The following ATCAY variants were observed in gnomAD, a reference collection of about 807,000 sequenced individuals.
The protein encoded by ATCAY is caytaxin.
A neutral mutation model predicts 47.7 loss-of-function variants in ATCAY; 22 were observed. That is an observed-to-expected ratio of 0.46 (90% CI 0.33 to 0.66). The LOEUF (loss-of-function observed/expected upper bound fraction) is 0.66. ATCAY is among the 30% of genes least tolerant of loss of function. ATCAY has a pLI of 0.02. For synonymous variants in ATCAY, 216 were observed against 207.6 expected, an observed-to-expected ratio of 1.04 and a Z score of -0.35; for missense variants, 452 against 515.0, an observed-to-expected ratio of 0.88 and a Z score of 1.18.
At chr19:3,910,996 C>T in intron 8 of ATCAY, 107 bp downstream of exon 8, 1 of 1,242,540 alleles carries the variant, frequency 8.0e-7, no homozygotes, top group Non-Finnish European at 1.2e-6. Flanking sequence ...TGCGTGTGTG[C>T]ATCTGTGTGT....
intron 2 of ATCAY, among the ~76,000 whole-genome samples, chr19:3,896,066 T>C (rs1388964254): frequency 6.6e-6 from 1 of 151,906 alleles, no homozygotes; most frequent in Non-Finnish European, 1.5e-5. Flanking sequence ...GGGCCAGGCT[T>C]GTCTTCAACT....
At chr19:3,886,211 G>A (rs2038652610) in intron 2 of ATCAY, among the ~76,000 whole-genome samples, 1 of 152,204 alleles carries the variant, frequency 6.6e-6, no homozygotes, top group Non-Finnish European at 1.5e-5. Flanking sequence ...CACTTTGGGA[G>A]GCCGAGGTGG....
chr19:3,895,211 C>A, intron 2 of ATCAY: 1 of 453,216 alleles, frequency 2.2e-6, no homozygotes, highest in Non-Finnish European at 4.4e-6. Flanking sequence ...AGAGCTAATG[C>A]TGCAGTTTTT....
chr19:3,896,632 T>G (rs114198821), intron 2 of ATCAY, among the ~76,000 whole-genome samples: 1 of 152,076 alleles, frequency 6.6e-6, no homozygotes, highest in Non-Finnish European at 1.5e-5. Flanking sequence ...GTTCACAGCC[T>G]ACGTAGAGTC....
At chr19:3,901,649 T>C (rs570303238) in intron 2 of ATCAY, among the ~76,000 whole-genome samples, 1 of 152,292 alleles carries the variant, frequency 6.6e-6, no homozygotes, top group Admixed American at 6.5e-5. Flanking sequence ...AATTTGATTA[T>C]CTAAAAGAAG....
chr19:3,895,197 G>A (rs1358625979), intron 2 of ATCAY: 1 of 454,726 alleles, frequency 2.2e-6, no homozygotes, highest in Non-Finnish European at 4.4e-6. Flanking sequence ...GAAACTGTCA[G>A]GTAAGAGCTA....
At chr19:3,885,129 A>AAC (rs1198107488) in intron 1 of ATCAY, among the ~76,000 whole-genome samples, 106 of 149,202 alleles carry the variant, frequency 7.1e-4, no homozygotes, top group Non-Finnish European at 1.3e-3. Flanking sequence ...AAAAAAAAAA[A>AAC]AAAAAACAGC....
rs2038621433 is a variant in ATCAY, at chr19:3,883,518, G to T, written c.-41-2209G>T. ...GAAATGACTATTGCCTTTAAGACAA[G>T]GTTTCTCCACCTTGGATCTATGGAT... On this transcript the variant is annotated intron_variant, in intron 1 of 12. Transcript: ENST00000450849. Among the ~76,000 whole-genome samples the T allele has an allele frequency of 2.0e-5, 3 of 152,160 alleles. No homozygotes were observed. The South Asian group carries it at 6.2e-4, about 31-fold the overall frequency.
At chr19:3,883,005 G>A (rs927885722) in intron 1 of ATCAY, among the ~76,000 whole-genome samples, 4 of 151,264 alleles carry the variant, frequency 2.6e-5, no homozygotes, top group Non-Finnish European at 5.9e-5. Context: ...GGCTGGTCTC[G>A]AACCCCTGGT....
intron 6 of ATCAY, among the ~76,000 whole-genome samples, chr19:3,908,646 T>C (rs1442143353): frequency 1.4e-4 from 11 of 79,504 alleles, no homozygotes; most frequent in Non-Finnish European, 2.4e-5. Flanking sequence ...CTCCCCTTCT[T>C]CCTCCCCCTT....
intron 2 of ATCAY, among the ~76,000 whole-genome samples, chr19:3,896,360 C>G (rs1483021335): frequency 6.6e-6 from 1 of 151,626 alleles, no homozygotes. Flanking sequence ...CTCCACCTCC[C>G]GGGTTCAAGC....
intron 2 of ATCAY, among the ~76,000 whole-genome samples, chr19:3,895,577 C>A (rs147578529): frequency 6.6e-6 from 1 of 152,020 alleles, no homozygotes; most frequent in African/African-American, 2.4e-5. Context: ...AGACTCGTAG[C>A]GCTGGATGGA....
At chr19:3,895,713 T>A (rs1274383222) in intron 2 of ATCAY, among the ~76,000 whole-genome samples, 1 of 148,244 alleles carries the variant, frequency 6.7e-6, no homozygotes, top group Non-Finnish European at 1.5e-5. Context: ...TTTCTTTTCT[T>A]TTCTTTTTTT....
rs1163306580 is a variant in ATCAY, at chr19:3,927,371, C to T, written c.*2779C>T. ...ATGAATCGTTCTAACCCAACAGTGA[C>T]AAGAACTGCTGGGCCTTAACCGTCA... On this transcript the variant is annotated 3_prime_UTR_variant, in exon 13 of 13. Transcript: ENST00000450849. 2 of 152,198 alleles carry T rather than the reference C, an allele frequency of 1.3e-5. No homozygotes were observed. Among genetic ancestry groups the T allele is most frequent in the Non-Finnish European group, 2.9e-5 (2 of 68,056 alleles). The allele number at this position is 152,198 out of a possible 1,614,324, so 9.4% of individuals were successfully genotyped here.
At position 3,907,249 on chromosome 19, in the gene ATCAY, A is replaced by G. The variant is rs74978175; in HGVS notation, c.359-485A>G. On this transcript the variant is annotated intron_variant, in intron 4 of 12. Coordinates refer to ENST00000450849, the MANE Select transcript of ATCAY (RefSeq NM_033064.5). This position sits in a 1 kb window ranked among gnomAD's most constrained non-coding sequence, Gnocchi z 5.1. ...CGCTTAAGGCCAGGAGTTTGAGACC[A>G]GCCTGGGCAACATATTGAAACCCCA... Among the ~76,000 whole-genome samples the G allele has an allele frequency of 0.12, 18,714 of 152,110 alleles. 1,519 individuals carry two copies. Among genetic ancestry groups the G allele is most frequent in the South Asian group, 0.19 (910 of 4,822 alleles).
rs936321014 is a variant in ATCAY, at chr19:3,907,617, G to C, written c.359-117G>C. On this transcript the variant is annotated intron_variant, in intron 4 of 12. Transcript: ENST00000450849. The surrounding 1 kb of genome is among the most constrained non-coding windows in gnomAD (Gnocchi z 5.1). ...GCAGGGCAGCCAGGTGGGGAGAAGC[G>C]AAGGACTTGTGGGTCCCGGCAGCGA... 3 of 1,276,240 alleles carry C rather than the reference G, an allele frequency of 2.4e-6. No individual in the cohort carries two copies. The highest frequency in any genetic ancestry group is 2.2e-6 in the Non-Finnish European group (2 of 916,218). 79.1% of individuals were successfully genotyped at this position (1,276,240 alleles called of 1,614,324 possible).
chr19:3,892,689 C>T (rs965324465), intron 2 of ATCAY, among the ~76,000 whole-genome samples: 36 of 152,210 alleles, frequency 2.4e-4, no homozygotes, highest in African/African-American at 7.2e-4. Flanking sequence ...GGTGGATCAC[C>T]TGAGGTCGGG....
At chr19:3,896,115 G>T (rs546046188) in intron 2 of ATCAY, among the ~76,000 whole-genome samples, 4 of 152,016 alleles carry the variant, frequency 2.6e-5, no homozygotes, top group Non-Finnish European at 5.9e-5. Flanking sequence ...GCCTCCCAAA[G>T]TGCTGTGATT....
At position 3,885,571 on chromosome 19, in the gene ATCAY, A is replaced by G. The variant is rs995242776; in HGVS notation, c.-41-156A>G. On this transcript the variant is annotated intron_variant, in intron 1 of 12. Transcript: ENST00000450849. ...TCCGTCTCAAAAAAGAAGAAGAAGAAGGAGAAGGAGAGAGGAGAGGAGAAA... is the reference window on the plus strand; with the variant it reads ...TCCGTCTCAAAAAAGAAGAAGAAGAGGGAGAAGGAGAGAGGAGAGGAGAAA... Among the ~76,000 whole-genome samples, 43 of 134,476 alleles carry G rather than the reference A, an allele frequency of 3.2e-4. No homozygotes were observed. The Admixed American group carries it at 3.3e-3, about 10-fold the overall frequency. 88.2% of individuals were successfully genotyped at this position (134,476 alleles called of 152,430 possible). A position where few individuals can be genotyped will look rare whatever the true frequency, so the allele number is the denominator to read the frequency against.
Sources: gnomAD v4.1 joint callset for allele counts (sites outside exome capture counted in the v4.1 genomes callset) on GRCh38, gnomAD v4.1.1 for gene constraint, Gnocchi (gnomAD v3.1) non-coding constraint, MANE v1.5 for transcripts, NCBI Gene and HGNC (gene_info 2026-07-23, HGNC 2026-07-21) for gene names.